Variants in IGF2BP2 observed in about 807,000 individuals in gnomAD.
IGF2BP2 encodes the protein insulin like growth factor 2 mRNA binding protein 2.
IGF2BP2 carries 17 observed loss-of-function variants against 75.8 expected under a neutral mutation model. The ratio of observed to expected loss-of-function variants is 0.22; its 90% confidence interval spans 0.15 to 0.34. The LOEUF (loss-of-function observed/expected upper bound fraction) is 0.34. Ranked by LOEUF, IGF2BP2 falls within the 10% of genes least tolerant of loss-of-function variation. IGF2BP2 has a pLI of 1.00. For missense variants in IGF2BP2, 516 were observed against 772.4 expected, an observed-to-expected ratio of 0.67 and a Z score of 3.93; for synonymous variants, 288 against 295.6, an observed-to-expected ratio of 0.97 and a Z score of 0.26.
intron 2 of IGF2BP2, among the ~76,000 whole-genome samples, chr3:185,764,179 A>G (rs953837089): frequency 2.0e-5 from 3 of 146,808 alleles, no homozygotes; most frequent in Non-Finnish European, 3.1e-5. Context: ...AAGGAGTAAA[A>G]TCCATAAAGT....
chr3:185,696,204 T>G (rs1008411830), intron 4 of IGF2BP2, among the ~76,000 whole-genome samples: 3 of 152,216 alleles, frequency 2.0e-5, no homozygotes, highest in African/African-American at 7.2e-5. Context: ...ATTATTGGTA[T>G]AGGAGTCCTA....
chr3:185,811,836 C>G (rs1055570630), intron 2 of IGF2BP2, among the ~76,000 whole-genome samples: 1 of 86,318 alleles, frequency 1.2e-5, no homozygotes, highest in East Asian at 3.0e-4. Flanking sequence ...GGGTGTCTCT[C>G]TCTCTCTCTC....
chr3:185,808,641 T>A (rs1739377385), intron 2 of IGF2BP2, among the ~76,000 whole-genome samples: 1 of 151,668 alleles, frequency 6.6e-6, no homozygotes, highest in African/African-American at 2.4e-5. Context: ...CTCACTGCAA[T>A]CTCTGCCTCC....
intron 2 of IGF2BP2, among the ~76,000 whole-genome samples, chr3:185,787,516 T>C (rs1736064101): frequency 6.6e-6 from 1 of 152,162 alleles, no homozygotes; most frequent in Admixed American, 6.5e-5. Context: ...GCAGATCACT[T>C]GAGGTCAGGA....
chr3:185,737,566 TAAAC>T (rs767811250), intron 2 of IGF2BP2, among the ~76,000 whole-genome samples: 30 of 152,146 alleles, frequency 2.0e-4, no homozygotes, highest in Non-Finnish European at 2.8e-4. Context: ...ATTAAAAACA[TAAAC>T]AAAAAAATTG....
chr3:185,743,635 C>A (rs1223807991), intron 2 of IGF2BP2, among the ~76,000 whole-genome samples: 1 of 152,214 alleles, frequency 6.6e-6, no homozygotes, highest in Non-Finnish European at 1.5e-5. Context: ...CCCACATTTT[C>A]ATTCTGCACT....
intron 2 of IGF2BP2, among the ~76,000 whole-genome samples, chr3:185,743,576 T>A (rs1282630880): frequency 2.6e-5 from 4 of 152,176 alleles, no homozygotes; most frequent in Non-Finnish European, 5.9e-5. Flanking sequence ...ACGTCTGGCC[T>A]ATATTTTAAT....
intron 2 of IGF2BP2, among the ~76,000 whole-genome samples, chr3:185,769,358 A>AT (rs201821540): frequency 8.6e-5 from 13 of 151,948 alleles, no homozygotes; most frequent in African/African-American, 2.7e-4. Context: ...CTGTCTCCAA[A>AT]TTTTTTTTAA....
intron 10 of IGF2BP2, among the ~76,000 whole-genome samples, chr3:185,658,623 G>T (rs1009485931): frequency 1.3e-5 from 2 of 152,228 alleles, no homozygotes; most frequent in Non-Finnish European, 2.9e-5. Context: ...CCTGGTTGCA[G>T]TAGCTCTCTG....
At position 185,705,871 on chromosome 3, in the gene IGF2BP2, TATCA is replaced by T. The variant is rs1203061374; in HGVS notation, c.240-7528_240-7525del. 3.9e-5 allele frequency among the ~76,000 whole-genome samples: 6 copies of T among 152,296 alleles called. No individual in the cohort carries two copies. In the East Asian group the frequency reaches 1.2e-3, roughly 29 times the overall value. ...TAATCAACTCTCCAAGGCCCCTAAATATCACCACCTTGGGGGTAAGGATTTCAAC... is the reference window on the plus strand; with the variant it reads ...TAATCAACTCTCCAAGGCCCCTAAATCCACCTTGGGGGTAAGGATTTCAAC... On this transcript the variant is annotated intron_variant, in intron 2 of 15. Coordinates refer to ENST00000382199, the MANE Select transcript of IGF2BP2 (RefSeq NM_006548.6).
intron 2 of IGF2BP2, chr3:185,722,101 T>TC (rs778772201): frequency 1.7e-5 from 6 of 344,992 alleles, no homozygotes; most frequent in South Asian, 4.4e-5. Context: ...ATTTTTTTTT[T>TC]CTTTTTTTTT....
intron 10 of IGF2BP2, among the ~76,000 whole-genome samples, chr3:185,669,578 G>C (rs960111583): frequency 3.4e-5 from 5 of 147,470 alleles, no homozygotes; most frequent in Admixed American, 6.8e-5. Flanking sequence ...AAAAAAAGGG[G>C]GGGGGGTAAA....
chr3:185,751,652 A>C (rs1292916000), intron 2 of IGF2BP2, among the ~76,000 whole-genome samples: 2 of 151,750 alleles, frequency 1.3e-5, no homozygotes, highest in African/African-American at 2.4e-5. Context: ...TCTCAAAAAA[A>C]AGAAAAGAAA....
At chr3:185,741,872 T>C (rs1266678772) in intron 2 of IGF2BP2, among the ~76,000 whole-genome samples, 1 of 142,360 alleles carries the variant, frequency 7.0e-6, no homozygotes, top group Non-Finnish European at 1.5e-5. Flanking sequence ...GAACTAGAAT[T>C]TGCCTTGAAT....
chr3:185,666,565 G>A (rs144438090), intron 10 of IGF2BP2, among the ~76,000 whole-genome samples: 92 of 152,160 alleles, frequency 6.0e-4, no homozygotes, highest in African/African-American at 2.2e-3. Flanking sequence ...GGAGGCAGAG[G>A]TTACAGTGAG....
chr3:185,697,577 T>C (rs1198174842), intron 3 of IGF2BP2, among the ~76,000 whole-genome samples: 1 of 152,210 alleles, frequency 6.6e-6, no homozygotes, highest in African/African-American at 2.4e-5. Flanking sequence ...AGAAATCTTA[T>C]AAGCTTTACA....
At chr3:185,823,380 G>C in intron 1 of IGF2BP2, 167 bp from the exon 2 acceptor site, 1 of 491,704 alleles carries the variant, frequency 2.0e-6, no homozygotes, top group Non-Finnish European at 3.7e-6. Context: ...AGAAAGAAAG[G>C]TGGGCGCCCC....
At chr3:185,701,694 C>G (rs1277959554) in intron 2 of IGF2BP2, among the ~76,000 whole-genome samples, 1 of 152,150 alleles carries the variant, frequency 6.6e-6, no homozygotes, top group East Asian at 1.9e-4. Flanking sequence ...TTAAGCCAGA[C>G]ACTTGGAGGA....
chr3:185,696,565 CAG>C, intron 4 of IGF2BP2, 45 bp downstream of exon 4: 1 of 1,512,698 alleles, frequency 6.6e-7, no homozygotes, highest in Non-Finnish European at 9.2e-7. Context: ...TAAGAAATAA[CAG>C]ATAATATCTC....
Sources: allele counts gnomAD v4.1 joint callset (sites outside exome capture counted in the v4.1 genomes callset), GRCh38; gene constraint gnomAD v4.1.1; transcripts MANE v1.5; gene names NCBI Gene and HGNC (gene_info 2026-07-23, HGNC 2026-07-21).